DGKE: variants seen among roughly 807,000 people sequenced by gnomAD.
The protein encoded by DGKE is DAG kinase epsilon.
A neutral mutation model predicts 70.0 loss-of-function variants in DGKE; 53 were observed. The ratio of observed to expected loss-of-function variants is 0.76; its 90% CI spans 0.61 to 0.95. The LOEUF is 0.95. Among genes scored for constraint, DGKE ranks in the 40% least tolerant of loss-of-function variants. The probability of loss-of-function intolerance (pLI) is 0.00; values close to 1 mark genes in which losing one functional copy is unlikely to be tolerated. For missense variants in DGKE, 655 were observed against 706.9 expected (o/e 0.93, Z 0.83); for synonymous variants, 291 against 257.0 (o/e 1.13, Z -1.27).
intron 2 of DGKE, among the ~76,000 whole-genome samples, chr17:56,837,133 GATAAAA>G (rs1426307762): frequency 6.6e-6 from 1 of 152,106 alleles, no homozygotes; most frequent in Admixed American, 6.5e-5. Context: ...AGATTTAGCA[GATAAAA>G]ATAAAATATT....
chr17:56,844,706 A>G (rs1198949682), intron 3 of DGKE, among the ~76,000 whole-genome samples: 1 of 152,164 alleles, frequency 6.6e-6, no homozygotes, highest in East Asian at 1.9e-4. Flanking sequence ...CCCTAGAGAT[A>G]AGTTTATGTT....
intron 2 of DGKE, among the ~76,000 whole-genome samples, chr17:56,843,560 G>A (rs1907111346): frequency 1.3e-5 from 2 of 152,124 alleles, no homozygotes. Context: ...ACTTATGGGA[G>A]GCCGAGGTGG....
At position 56,868,216 on chromosome 17, in the gene DGKE, G is replaced by A. The variant is rs926985062; in HGVS notation, c.*5425G>A. On this transcript the variant is annotated 3_prime_UTR_variant, in exon 12 of 12. Coordinates refer to ENST00000284061, the MANE Select transcript of DGKE (RefSeq NM_003647.3). Reference sequence around the variant, plus strand: ...AGATTTGGCTGAGAAAAACCCTAGAGTAAGGCAGGCACTTTGTGGAGGTGG... The same window carrying A: ...AGATTTGGCTGAGAAAAACCCTAGAATAAGGCAGGCACTTTGTGGAGGTGG... The A allele has an allele frequency of 2.0e-5, 3 of 152,280 alleles. No individual in the cohort carries two copies. The highest frequency in any genetic ancestry group is 7.2e-5 in the African/African-American group (3 of 41,454). 9.4% of individuals were successfully genotyped at this position (152,280 alleles called of 1,614,324 possible).
intron 2 of DGKE, among the ~76,000 whole-genome samples, chr17:56,839,107 T>C (rs1906806838): frequency 6.6e-6 from 1 of 152,206 alleles, no homozygotes; most frequent in Non-Finnish European, 1.5e-5. Flanking sequence ...ATTCTTGCTT[T>C]TAGAATATAT....
intron 4 of DGKE, 32 bp downstream of exon 4, chr17:56,845,841 G>T: frequency 6.4e-7 from 1 of 1,553,418 alleles, no homozygotes; most frequent in Non-Finnish European, 8.7e-7. Context: ...TTATATTAAT[G>T]TTTTCATTTT....
At chr17:56,840,426 A>G (rs1289543376) in intron 2 of DGKE, among the ~76,000 whole-genome samples, 1 of 152,146 alleles carries the variant, frequency 6.6e-6, no homozygotes, top group Non-Finnish European at 1.5e-5. Context: ...CTCAGGTTGC[A>G]GTGCAGTGAC....
At position 56,861,280 on chromosome 17, in the gene DGKE, T is replaced by TG. The variant is rs397786299; in HGVS notation, c.1285-510dup. On this transcript the variant is annotated intron_variant, in intron 9 of 11. Transcript: ENST00000284061. ...AGCTAAGAGAAGGAGGAGGGGAAGA[T>TG]GTTACTCTTTCCTGGTAAGTACATT... is the stretch of plus-strand genomic sequence containing the variant. Among the ~76,000 whole-genome samples, 8 of 14,326 alleles carry TG rather than the reference T, an allele frequency of 5.6e-4. No individual in the cohort carries two copies. The East Asian group carries it at 0.051, about 91-fold the overall frequency. The allele number at this position is 14,326 out of a possible 152,430, so 9.4% of individuals were successfully genotyped here.
Position 56,844,014 on chromosome 17 carries a change from C to T in DGKE, c.465-5C>T. The T allele has an allele frequency of 2.0e-6, 3 of 1,535,626 alleles. No homozygotes were observed. The highest frequency in any genetic ancestry group is 2.6e-6 in the Non-Finnish European group (3 of 1,149,104). On this transcript the variant is annotated splice_polypyrimidine_tract_variant and splice_region_variant and intron_variant, in intron 2 of 11. Coordinates refer to ENST00000284061, the MANE Select transcript of DGKE (RefSeq NM_003647.3). ...TAGTTAATGCTTGTTTCTTCCTTCC[C>T]TCAGGTGCATTTGGTGCCAGAAAAC...
At chr17:56,858,071 CAAA>C (rs11449627) in intron 8 of DGKE, among the ~76,000 whole-genome samples, 5 of 100,530 alleles carry the variant, frequency 5.0e-5, no homozygotes, top group African/African-American at 7.8e-5. Context: ...GACTCCATCT[CAAA>C]AAAAAAAAAA....
rs1460345863 is a variant in DGKE at position 56,848,076 on chromosome 17, T to C, written c.888+11T>C. 3 of 1,501,634 alleles carry C rather than the reference T, an allele frequency of 2.0e-6. No homozygotes were observed. Among genetic ancestry groups the C allele is most frequent in the Non-Finnish European group, 2.7e-6 (3 of 1,124,062 alleles). 93.0% of individuals were successfully genotyped at this position (1,501,634 alleles called of 1,614,324 possible). ...GACATGAAGATTAAGGTATTAGTCT[T>C]TAAGAACTACTACAGAAGGACTTCT... is the stretch of plus-strand genomic sequence containing the variant. On this transcript the variant is annotated intron_variant, in intron 5 of 11. Coordinates refer to ENST00000284061, the MANE Select transcript of DGKE (RefSeq NM_003647.3).
chr17:56,834,591 G>C (rs1906440512), intron 1 of DGKE, among the ~76,000 whole-genome samples, 187 bp from the exon 2 acceptor site: 1 of 152,132 alleles, frequency 6.6e-6, no homozygotes, highest in South Asian at 2.1e-4. Flanking sequence ...GGATTGGAGC[G>C]TGATGGCTGG....
intron 2 of DGKE, among the ~76,000 whole-genome samples, chr17:56,839,823 A>G (rs1035572324): frequency 6.6e-6 from 1 of 152,102 alleles, no homozygotes; most frequent in African/African-American, 2.4e-5. Flanking sequence ...GCCTGGCCCT[A>G]GTAAGCATTT....
chr17:56,847,939 A>T lies in DGKE; in HGVS notation c.762A>T (p.Lys254Asn), dbSNP rs1439397970. 6.4e-7 allele frequency: 1 copy of T among 1,563,922 alleles called. No homozygotes were observed. The highest frequency in any genetic ancestry group is 2.3e-5 in the East Asian group (1 of 43,332). ...LNPVQVFDVT[K>N]TPPIKALQLC... is the part of the protein sequence containing the mutation. ...GTTTCTAGGTTTTTGATGTAACTAAAACTCCTCCTATCAAAGCCCTACAAC... is the reference window on the plus strand; with the variant it reads ...GTTTCTAGGTTTTTGATGTAACTAATACTCCTCCTATCAAAGCCCTACAAC... Residue 254 changes from lysine (K) to asparagine (N), a missense_variant, in exon 5 of 12, where the codon AAA (lysine) becomes AAT (asparagine). Lys to Asn is a moderately conservative substitution (Grantham distance 94). Transcript: ENST00000284061.
chr17:56,860,754 G>T (rs1345199265), intron 9 of DGKE, among the ~76,000 whole-genome samples: 1 of 150,862 alleles, frequency 6.6e-6, no homozygotes, highest in African/African-American at 2.4e-5. Flanking sequence ...GAAGATTGCT[G>T]TAGGCTAAAA....
Position 56,864,405 on chromosome 17 carries a change from A to G in DGKE, c.*1614A>G, listed in dbSNP as rs1908445291. Reference sequence around the variant, plus strand: ...GCCCAGACCATGTTTTCAAAGAGCAACTTAGTAATGTATACAGTAGTCAGT... The same window carrying G: ...GCCCAGACCATGTTTTCAAAGAGCAGCTTAGTAATGTATACAGTAGTCAGT... On this transcript the variant is annotated 3_prime_UTR_variant, in exon 12 of 12. Transcript: ENST00000284061. 1.3e-5 allele frequency: 2 copies of G among 152,228 alleles called. No homozygotes were observed. The highest frequency in any genetic ancestry group is 4.8e-5 in the African/African-American group (2 of 41,454). 9.4% of individuals were successfully genotyped at this position (152,228 alleles called of 1,614,324 possible). A position where few individuals can be genotyped will look rare whatever the true frequency, so the allele number is the denominator to read the frequency against.
In DGKE at chr17:56,862,790, A is replaced by T; in HGVS notation, c.1703A>T (p.Ter568LeuextTer34). The T allele has an allele frequency of 5.8e-6, 9 of 1,551,198 alleles. No homozygotes were observed. Among genetic ancestry groups the T allele is most frequent in the Non-Finnish European group, 7.8e-6 (9 of 1,157,462 alleles). ...SDQEDIKATE[*>L] is the part of the protein sequence containing the mutation. The stretch of plus-strand genomic sequence containing the variant: ...CAAGAAGATATAAAGGCGACTGAAT[A>T]GATGGATGAGGGAGTGAAAACTTTG... The change falls in exon 12 of 12, where the codon TAG (stop) becomes TTG (leucine). Residue 568 changes from the stop codon to leucine (L), a stop_lost. Coordinates refer to ENST00000284061, the MANE Select transcript of DGKE (RefSeq NM_003647.3).
chr17:56,854,496 A>G (rs1479612948), intron 7 of DGKE, among the ~76,000 whole-genome samples: 1 of 151,890 alleles, frequency 6.6e-6, no homozygotes. Context: ...ATTATTTTCA[A>G]TAGAGACAAG....
chr17:56,834,334 C>A, intron 1 of DGKE, 74 bp downstream of exon 1: 1 of 160,056 alleles, frequency 6.2e-6, no homozygotes. Flanking sequence ...CCGGGCCGCG[C>A]GTGGGAGCGG....
chr17:56,857,359 C>T (rs966926368), intron 8 of DGKE, among the ~76,000 whole-genome samples: 3 of 152,162 alleles, frequency 2.0e-5, no homozygotes, highest in African/African-American at 7.2e-5. Context: ...AGCCTGTTTG[C>T]CACAGCTTTG....
Sources: allele counts gnomAD v4.1 joint callset (sites outside exome capture counted in the v4.1 genomes callset), GRCh38; gene constraint gnomAD v4.1.1; transcripts MANE v1.5; gene names NCBI Gene and HGNC (gene_info 2026-07-23, HGNC 2026-07-21).